ABHD12B: variants seen among roughly 807,000 people sequenced by gnomAD.
ABHD12B encodes the protein abhydrolase domain containing 12B, also known as protein ABHD12B.
ABHD12B carries 42 observed loss-of-function variants against 50.4 expected under a neutral mutation model. The ratio of observed to expected loss-of-function variants is 0.83; its 90% confidence interval spans 0.65 to 1.08. The LOEUF (loss-of-function observed/expected upper bound fraction) is 1.08, where lower values mean the gene tolerates loss of function less well. Among genes scored for constraint, ABHD12B ranks in the 50% least tolerant of loss-of-function variants. ABHD12B has a pLI of 0.00. For synonymous variants in ABHD12B, 167 were observed against 160.3 expected (o/e 1.04, Z -0.32); for missense variants, 479 against 447.7 (o/e 1.07, Z -0.63).
intron 4 of ABHD12B, among the ~76,000 whole-genome samples, chr14:50,881,202 C>T (rs954360351): frequency 2.6e-5 from 4 of 152,098 alleles, no homozygotes; most frequent in African/African-American, 9.7e-5. Context: ...TGTTGGGTGA[C>T]GATCATCGGC....
At chr14:50,879,769 A>T (rs751828952) in intron 3 of ABHD12B, among the ~76,000 whole-genome samples, 2 of 152,252 alleles carry the variant, frequency 1.3e-5, no homozygotes, top group Non-Finnish European at 2.9e-5. Context: ...AGATCAGCTC[A>T]TCCAGCAGGC....
At position 50,904,872 on chromosome 14, in the gene ABHD12B, A is replaced by T. The variant is rs1244516824; in HGVS notation, c.*506A>T. 6.1e-5 allele frequency: 14 copies of T among 228,794 alleles called. No individual in the cohort carries two copies. Among genetic ancestry groups the T allele is most frequent in the Non-Finnish European group, 6.9e-5 (8 of 116,170 alleles). 14.2% of individuals were successfully genotyped at this position (228,794 alleles called of 1,614,324 possible). A position where few individuals can be genotyped will look rare whatever the true frequency, so the allele number is the denominator to read the frequency against. ...TGAGAAGCCTTCATCTATGAACCAC[A>T]AAGTAGCCCTCATCAGACACTGAAT... On this transcript the variant is annotated 3_prime_UTR_variant, in exon 13 of 13. Coordinates refer to ENST00000337334, the MANE Select transcript of ABHD12B (RefSeq NM_001206673.2).
chr14:50,903,748 T>C (rs919611153), intron 11 of ABHD12B, among the ~76,000 whole-genome samples: 1 of 152,194 alleles, frequency 6.6e-6, no homozygotes, highest in African/African-American at 2.4e-5. Context: ...ATGTCGTCTC[T>C]ACTGTAGTGG....
At position 50,878,813 on chromosome 14, in the gene ABHD12B, C is replaced by T; in HGVS notation, c.301C>T (p.Leu101=). The T allele has an allele frequency of 1.2e-6, 2 of 1,613,962 alleles. No individual in the cohort carries two copies. The highest frequency in any genetic ancestry group is 1.7e-6 in the Non-Finnish European group (2 of 1,179,868). ...GATTCCTCACACAGTGAACTTCTAC[C>T]TGAGAGTTGAACCTGGGGTGATGCT... ...LKIPHTVNFY[L]RVEPGVMLGI... is the part of the protein sequence containing the mutation. Residue 101 remains leucine, a synonymous_variant, in exon 3 of 13, where the codon CTG becomes TTG. Transcript: ENST00000337334.
intron 5 of ABHD12B, among the ~76,000 whole-genome samples, chr14:50,882,215 CG>C: frequency 7.0e-6 from 1 of 143,282 alleles, no homozygotes; most frequent in Non-Finnish European, 1.5e-5. Context: ...GGATTACAGG[CG>C]CGAACCACCT....
intron 7 of ABHD12B, among the ~76,000 whole-genome samples, chr14:50,886,228 A>C (rs539010244): frequency 2.0e-5 from 3 of 152,260 alleles, no homozygotes; most frequent in African/African-American, 7.2e-5. Flanking sequence ...ACTTGAGGCC[A>C]GGAGTTCGAG....
intron 1 of ABHD12B, among the ~76,000 whole-genome samples, chr14:50,875,077 T>C (rs1188216589): frequency 6.6e-6 from 1 of 152,234 alleles, no homozygotes; most frequent in Non-Finnish European, 1.5e-5. Context: ...CATGTTGTTC[T>C]TGTTGTCTGT....
intron 5 of ABHD12B, among the ~76,000 whole-genome samples, chr14:50,883,623 AAGG>A (rs1159970145): frequency 6.6e-6 from 1 of 152,242 alleles, no homozygotes; most frequent in Non-Finnish European, 1.5e-5. Flanking sequence ...TGTTCCCAGA[AAGG>A]AGAAGAGCTG....
chr14:50,903,255 A>G, intron 10 of ABHD12B, 134 bp from the exon 11 acceptor site: 1 of 610,476 alleles, frequency 1.6e-6, no homozygotes, highest in Non-Finnish European at 2.8e-6. Flanking sequence ...TGATATTGTT[A>G]TTCCTTGGAA....
At chr14:50,896,998 T>C (rs748331657) in intron 9 of ABHD12B, among the ~76,000 whole-genome samples, 1 of 152,280 alleles carries the variant, frequency 6.6e-6, no homozygotes, top group African/African-American at 2.4e-5. Flanking sequence ...TTTAGTACTG[T>C]TAATTTTTGT....
At chr14:50,890,855 T>G (rs1404201397) in intron 9 of ABHD12B, among the ~76,000 whole-genome samples, 1 of 152,220 alleles carries the variant, frequency 6.6e-6, no homozygotes, top group Non-Finnish European at 1.5e-5. Context: ...TAATAAGGTA[T>G]CCATATGGCC....
chr14:50,872,292 G>T lies in ABHD12B; in HGVS notation c.104+14G>T, dbSNP rs1299566833. On this transcript the variant is annotated intron_variant, in intron 1 of 12. Coordinates refer to ENST00000337334, the MANE Select transcript of ABHD12B (RefSeq NM_001206673.2). ...CCGCAACCTGCGGTGAGTACCGCCCGGTCCACCCCTGGCCGGGCCCCGACG... is the reference window on the plus strand; with the variant it reads ...CCGCAACCTGCGGTGAGTACCGCCCTGTCCACCCCTGGCCGGGCCCCGACG... 2.3e-6 allele frequency: 3 copies of T among 1,294,428 alleles called. No individual in the cohort carries two copies. The highest frequency in any genetic ancestry group is 3.2e-5 in the East Asian group (1 of 31,662). 80.2% of individuals were successfully genotyped at this position (1,294,428 alleles called of 1,614,324 possible).
At chr14:50,896,884 A>C (rs995189276) in intron 9 of ABHD12B, among the ~76,000 whole-genome samples, 3 of 152,064 alleles carry the variant, frequency 2.0e-5, no homozygotes, top group African/African-American at 4.8e-5. Flanking sequence ...CGCATGAAAA[A>C]ATTTTGTCTA....
At chr14:50,873,313 C>T (rs1350751137) in intron 1 of ABHD12B, among the ~76,000 whole-genome samples, 3 of 152,002 alleles carry the variant, frequency 2.0e-5, no homozygotes, top group South Asian at 2.1e-4. Flanking sequence ...AGGGCTCCAG[C>T]GATCCTCCCG....
At chr14:50,898,050 G>A (rs1019562157) in intron 9 of ABHD12B, among the ~76,000 whole-genome samples, 1 of 152,226 alleles carries the variant, frequency 6.6e-6, no homozygotes, top group Non-Finnish European at 1.5e-5. Context: ...AAGCAGTTAG[G>A]AAACAGAGCG....
intron 4 of ABHD12B, among the ~76,000 whole-genome samples, chr14:50,881,220 G>A (rs1596003501): frequency 6.6e-6 from 1 of 152,144 alleles, no homozygotes; most frequent in Non-Finnish European, 1.5e-5. Flanking sequence ...GGCTGTGACT[G>A]TGCCCCTGAA....
At chr14:50,899,014 G>A (rs1183050054) in intron 9 of ABHD12B, among the ~76,000 whole-genome samples, 1 of 152,140 alleles carries the variant, frequency 6.6e-6, no homozygotes, top group African/African-American at 2.4e-5. Context: ...CCAACATGGC[G>A]AGACCCTGTC....
At chr14:50,883,308 G>A (rs1266853466) in intron 5 of ABHD12B, among the ~76,000 whole-genome samples, 1 of 152,146 alleles carries the variant, frequency 6.6e-6, no homozygotes, top group African/African-American at 2.4e-5. Flanking sequence ...AACAATATTA[G>A]TGGGGCCCAG....
intron 9 of ABHD12B, among the ~76,000 whole-genome samples, chr14:50,899,459 G>A (rs1278742231): frequency 6.6e-6 from 1 of 152,100 alleles, no homozygotes; most frequent in Non-Finnish European, 1.5e-5. Flanking sequence ...TATAGCCATG[G>A]GGCAAGTTTT....
Sources: gnomAD v4.1 joint callset for allele counts (sites outside exome capture counted in the v4.1 genomes callset) on GRCh38, gnomAD v4.1.1 for gene constraint, MANE v1.5 for transcripts, NCBI Gene and HGNC (gene_info 2026-07-23, HGNC 2026-07-21) for gene names.